Variants in DDX11 observed in about 807,000 individuals in gnomAD.
DDX11 encodes the protein ATP-dependent DNA helicase DDX11.
DDX11 carries 72 observed loss-of-function variants against 125.2 expected under a neutral mutation model. That is an observed-to-expected ratio of 0.58 (90% CI 0.48 to 0.70). DDX11 has a LOEUF of 0.70. DDX11 is among the 30% of genes least tolerant of loss of function. The pLI, the probability that DDX11 is intolerant of heterozygous loss-of-function variation, is 0.00. For missense variants in DDX11, 883 were observed against 1,165.0 expected, an observed-to-expected ratio of 0.76 and a Z score of 3.52; for synonymous variants, 347 against 452.6, an observed-to-expected ratio of 0.77 and a Z score of 2.96.
intron 5 of DDX11, among the ~76,000 whole-genome samples, chr12:31,085,353 A>G (rs7299250): frequency 0.027 from 4,064 of 152,282 alleles, 103 homozygotes; most frequent in African/African-American, 0.091. Flanking sequence ...CAGCTCAGGC[A>G]GGGCAGGAAC....
At position 31,104,507 on chromosome 12, in the gene DDX11, C is replaced by T. The variant is rs1946915594; in HGVS notation, c.*671C>T. On this transcript the variant is annotated 3_prime_UTR_variant, in exon 27 of 27. Coordinates refer to ENST00000542838, the MANE Select transcript of DDX11 (RefSeq NM_030653.4). ...AACTCCAAGACACCTTCTACCCCAA[C>T]ACCAGCAATTATGCCAAGGGCCGTT... 19 of 177,030 alleles carry T rather than the reference C, an allele frequency of 1.1e-4. 1 individual carries two copies. In the South Asian group the frequency reaches 2.6e-3, roughly 24 times the overall value. 11.0% of individuals were successfully genotyped at this position (177,030 alleles called of 1,614,324 possible).
At position 31,084,866 on chromosome 12, in the gene DDX11, C is replaced by T. The variant is rs561055080; in HGVS notation, c.481-103C>T. On this transcript the variant is annotated intron_variant, in intron 4 of 26. Coordinates refer to ENST00000542838, the MANE Select transcript of DDX11 (RefSeq NM_030653.4). The stretch of plus-strand genomic sequence containing the variant: ...CCTCTCTCCAGCCAGGCAGCCAGGC[C>T]TATGTGAATGGGGCGTGGTGTGCTT... 6.2e-6 allele frequency: 9 copies of T among 1,442,994 alleles called. No homozygotes were observed. The East Asian group carries it at 1.7e-4, about 28-fold the overall frequency. 89.4% of individuals were successfully genotyped at this position (1,442,994 alleles called of 1,614,324 possible). A position where few individuals can be genotyped will look rare whatever the true frequency, so the allele number is the denominator to read the frequency against.
chr12:31,103,433 G>A (rs1284679460), intron 25 of DDX11, 38 bp downstream of exon 25: 2 of 1,603,176 alleles, frequency 1.2e-6, no homozygotes, highest in Non-Finnish European at 8.5e-7. Flanking sequence ...GACAGATGGG[G>A]GCTGGAGAAA....
chr12:31,101,803 G>GCTCCCTCC (rs1946426198), intron 20 of DDX11, 30 bp from the exon 21 acceptor site: 1 of 1,613,594 alleles, frequency 6.2e-7, no homozygotes, highest in Non-Finnish European at 8.5e-7. Context: ...CTCCATGGGG[G>GCTCCCTCC]CTCCCTCCCT....
At chr12:31,101,206 GC>G in intron 20 of DDX11, 76 bp downstream of exon 20, 1 of 1,269,806 alleles carries the variant, frequency 7.9e-7, no homozygotes. Flanking sequence ...GGGCGCTCTG[GC>G]CCACCCTGAG....
At chr12:31,099,120 C>T (rs1357306695) in intron 18 of DDX11, among the ~76,000 whole-genome samples, 1 of 91,538 alleles carries the variant, frequency 1.1e-5, no homozygotes, top group Non-Finnish European at 2.1e-5. Context: ...CACAGTCTCG[C>T]TCTGTCTCCC....
At chr12:31,095,104 C>T (rs554711017) in intron 14 of DDX11, among the ~76,000 whole-genome samples, 3 of 152,322 alleles carry the variant, frequency 2.0e-5, no homozygotes, top group African/African-American at 7.2e-5. Flanking sequence ...CACAGTCTCC[C>T]TCAGGCTTAT....
At position 31,090,184 on chromosome 12, in the gene DDX11, G is replaced by T. The variant is rs1943958194; in HGVS notation, c.1089+90G>T. On this transcript the variant is annotated intron_variant, in intron 9 of 26. Transcript: ENST00000542838. ...GTCCTCATCACACTGTAGTTTGGGG[G>T]ATGCCCCCCACCGTGGTCAGGTTGA... 3 of 1,103,380 alleles carry T rather than the reference G, an allele frequency of 2.7e-6. No individual in the cohort carries two copies. In the Admixed American group the frequency reaches 6.0e-5, roughly 22 times the overall value. 68.3% of individuals were successfully genotyped at this position (1,103,380 alleles called of 1,614,324 possible).
intron 18 of DDX11, among the ~76,000 whole-genome samples, chr12:31,099,915 A>C (rs1233625690): frequency 6.6e-6 from 1 of 152,094 alleles, no homozygotes; most frequent in African/African-American, 2.4e-5. Flanking sequence ...ATAAGCAAAA[A>C]CGTGTCTTCA....
chr12:31,078,878 A>G (rs1026252647), intron 2 of DDX11, among the ~76,000 whole-genome samples: 12 of 152,000 alleles, frequency 7.9e-5, no homozygotes, highest in African/African-American at 2.9e-4. Context: ...TAATAGAGAC[A>G]GGGTTTCACC....
chr12:31,101,038 C>T lies in DDX11; in HGVS notation c.1960C>T (p.Pro654Ser), dbSNP rs1373321331. Reference sequence around the variant, plus strand: ...CTGGCTCTTACCAGGTCACGTGATCCCTCCAGACAACATCCTGCCCCTCGT... The same window carrying T: ...CTGGCTCTTACCAGGTCACGTGATCTCTCCAGACAACATCCTGCCCCTCGT... ...VVEFSCGHVI[P>S]PDNILPLVIC... The change falls in exon 20 of 27, where the codon CCT (proline) becomes TCT (serine). Residue 654 changes from proline (P) to serine (S), a missense_variant. By Grantham distance (74) the Pro-to-Ser change is moderately conservative. This residue lies in a region of DDX11 where 285 missense variants were observed against 346.0 expected (regional missense o/e 0.82). Transcript: ENST00000542838. 1 of 1,613,896 alleles carries T rather than the reference C, an allele frequency of 6.2e-7. No individual in the cohort carries two copies. Among genetic ancestry groups the T allele is most frequent in the African/African-American group, 1.3e-5 (1 of 74,920 alleles).
intron 17 of DDX11, among the ~76,000 whole-genome samples, 172 bp downstream of exon 17, chr12:31,097,162 G>T (rs1329769744): frequency 1.4e-5 from 2 of 146,362 alleles, no homozygotes; most frequent in African/African-American, 2.6e-5. Flanking sequence ...GGAGGTGGAT[G>T]GGAGGAGATC....
chr12:31,101,963 G>C lies in DDX11; in HGVS notation c.2183G>C (p.Arg728Pro). 3 of 1,599,018 alleles carry C rather than the reference G, an allele frequency of 1.9e-6. No homozygotes were observed. The highest frequency in any genetic ancestry group is 1.1e-5 in the South Asian group (1 of 90,250). Reference sequence around the variant, plus strand: ...TGGGAGAAGGGTGGCCTGCTGGGCCGTCTGGCTGCCAGGAAGAAGGTGAGT... The same window carrying C: ...TGGGAGAAGGGTGGCCTGCTGGGCCCTCTGGCTGCCAGGAAGAAGGTGAGT... The part of the protein sequence containing the change: ...AHWEKGGLLG[R>P]LAARKKIFQE... Residue 728 changes from arginine to proline, a missense_variant, in exon 21 of 27, where the codon CGT becomes CCT. By Grantham distance (103) the Arg-to-Pro change is moderately radical (BLOSUM62 -2). Transcript: ENST00000542838.
chr12:31,082,608 C>CATGG (rs1278263127), intron 2 of DDX11, among the ~76,000 whole-genome samples: 1 of 152,008 alleles, frequency 6.6e-6, no homozygotes, highest in Non-Finnish European at 1.5e-5. Flanking sequence ...GAGCAGAAGG[C>CATGG]ATGGGGTCCT....
At chr12:31,080,485 A>G (rs1313695781) in intron 2 of DDX11, among the ~76,000 whole-genome samples, 1 of 152,224 alleles carries the variant, frequency 6.6e-6, no homozygotes, top group African/African-American at 2.4e-5. Context: ...GTTCTTAAAA[A>G]GAATTTCAAC....
rs1418630682 is a variant in DDX11 at position 31,074,056 on chromosome 12, GGCGTCTGTTCCGGC to G, written c.-37_-24del. ...GGCAGACTGGTGAAATCGCAAACTG[GGCGTCTGTTCCGGC>G]GCCGGACCCCTATTTGCAAAGGTGG... is the stretch of plus-strand genomic sequence containing the variant. On this transcript the variant is annotated 5_prime_UTR_variant, in exon 1 of 27. Transcript: ENST00000542838. 3 of 151,470 alleles carry G rather than the reference GGCGTCTGTTCCGGC, an allele frequency of 2.0e-5. No individual in the cohort carries two copies. Among genetic ancestry groups the G allele is most frequent in the African/African-American group, 7.4e-5 (3 of 40,666 alleles). 9.4% of individuals were successfully genotyped at this position (151,470 alleles called of 1,614,324 possible).
chr12:31,096,252 G>A, intron 14 of DDX11, 89 bp from the exon 15 acceptor site: 1 of 1,451,722 alleles, frequency 6.9e-7, no homozygotes, highest in East Asian at 2.5e-5. Context: ...TGCTGCCTGG[G>A]TGGTAGAAGT....
chr12:31,087,829 C>T, intron 5 of DDX11, 109 bp from the exon 6 acceptor site: 1 of 1,502,730 alleles, frequency 6.7e-7, no homozygotes, highest in Non-Finnish European at 9.0e-7. Context: ...TTGGTGGAAC[C>T]CATTGCTGGG....
At chr12:31,090,265 C>A (rs1399207845) in intron 9 of DDX11, among the ~76,000 whole-genome samples, 171 bp downstream of exon 9, 93 of 145,208 alleles carry the variant, frequency 6.4e-4, no homozygotes, top group African/African-American at 2.3e-3. Context: ...GCGTGGGATC[C>A]CTTGGGGTCT....
Sources: allele counts gnomAD v4.1 joint callset (sites outside exome capture counted in the v4.1 genomes callset), GRCh38; gene constraint gnomAD v4.1.1; regional missense constraint gnomAD v4.1.1; transcripts MANE v1.5; gene names NCBI Gene and HGNC (gene_info 2026-07-23, HGNC 2026-07-21).